The following BDP1 variants were observed in gnomAD, a reference collection of about 807,000 sequenced individuals.
BDP1 encodes the protein BDP1 general transcription factor IIIB subunit, also known as transcription factor TFIIIB component B'' homolog.
In BDP1, 169 loss-of-function variants were observed where a neutral mutation model predicts 266.6. The observed-to-expected ratio is 0.63, with a 90% CI of 0.56 to 0.72. BDP1 has a LOEUF of 0.72. Ranked by LOEUF, BDP1 falls within the 30% of genes least tolerant of loss-of-function variation. The pLI is 0.00. For synonymous variants in BDP1, 1,090 were observed against 1,022.4 expected (o/e 1.07, Z -1.26); for missense variants, 3,015 against 3,053.8 (o/e 0.99, Z 0.30).
intron 6 of BDP1, 21 bp downstream of exon 6, chr5:71,467,508 A>T (rs191832489): frequency 6.5e-7 from 1 of 1,544,768 alleles, no homozygotes; most frequent in Non-Finnish European, 8.9e-7. Context: ...TTCATTTAAA[A>T]ATGTGTAAGT....
At chr5:71,502,173 C>CTTTTTTTTTCTCTCTCTT (rs1764282374) in intron 14 of BDP1, among the ~76,000 whole-genome samples, 2 of 145,788 alleles carry the variant, frequency 1.4e-5, no homozygotes, top group African/African-American at 2.5e-5. Context: ...AGGATTATGT[C>CTTTTTTTTTCTCTCTCTT]TTTTTTTTTC....
Position 71,495,318 on chromosome 5 carries a change from T to C in BDP1, c.1709T>C (p.Phe570Ser). ...SESSTSDLPS[F>S]EVGIRALCEV... is the part of the protein sequence containing the mutation. ...TCAAGCACTTCAGATTTGCCTTCAT[T>C]CGAAGTTGGAATTAGAGCATTGTGT... The change falls in exon 12 of 39, where the codon TTC (phenylalanine) becomes TCC (serine). Residue 570 changes from phenylalanine to serine, a missense_variant. Phe to Ser is a radical substitution (Grantham distance 155). Transcript: ENST00000358731. 6.2e-7 allele frequency: 1 copy of C among 1,608,120 alleles called. No individual in the cohort carries two copies. Among genetic ancestry groups the C allele is most frequent in the South Asian group, 1.1e-5 (1 of 89,852 alleles).
chr5:71,513,691 G>GA (rs971805501), intron 19 of BDP1, among the ~76,000 whole-genome samples: 24 of 151,762 alleles, frequency 1.6e-4, no homozygotes, highest in African/African-American at 3.9e-4. Flanking sequence ...TTTCTTCATA[G>GA]AAAAAATGAC....
At chr5:71,536,591 A>G (rs1766611463) in intron 26 of BDP1, among the ~76,000 whole-genome samples, 1 of 152,100 alleles carries the variant, frequency 6.6e-6, no homozygotes, top group South Asian at 2.1e-4. Flanking sequence ...TAATCTCAGT[A>G]ATTTGGGAGG....
In BDP1 at chr5:71,541,567, G is replaced by A. The variant is rs765062872; in HGVS notation, c.6136G>A (p.Val2046Ile). ...VHECQELSSP[V>I]ITTSPASFEE... ...TGAATGTCAGGAACTTTCTTCACCTGTCATTACTACATCTCCTGCATCATT... is the reference window on the plus strand; with the variant it reads ...TGAATGTCAGGAACTTTCTTCACCTATCATTACTACATCTCCTGCATCATT... Residue 2046 changes from valine to isoleucine, a missense_variant, in exon 29 of 39, where the codon GTC (valine) becomes ATC (isoleucine). Physicochemically the swap from Val to Ile is conservative, Grantham distance 29. This residue lies in a region of BDP1 where 2,383 missense variants were observed against 2,404.9 expected (regional missense o/e 0.99). Transcript: ENST00000358731. 1 of 1,611,738 alleles carries A rather than the reference G, an allele frequency of 6.2e-7. No individual in the cohort carries two copies. Among genetic ancestry groups the A allele is most frequent in the Non-Finnish European group, 8.5e-7 (1 of 1,178,678 alleles).
intron 9 of BDP1, among the ~76,000 whole-genome samples, chr5:71,489,005 GC>G (rs764711952): frequency 2.0e-5 from 3 of 152,214 alleles, no homozygotes; most frequent in Non-Finnish European, 4.4e-5. Context: ...ACCATGCCCA[GC>G]CTGTATTAAA....
Position 71,562,326 on chromosome 5 carries a change from T to C in BDP1, c.7549T>C (p.Leu2517=). ...FLSLICSKNS[L]ESDEPMQVHS... ...ATCTTTAATATGCTCAAAGAATAGT[T>C]TGGAGTCTGATGAACCTATGCAAGT... Residue 2517 remains leucine (L), a synonymous_variant, in exon 38 of 39, where the codon TTG becomes CTG. Coordinates refer to ENST00000358731, the MANE Select transcript of BDP1 (RefSeq NM_018429.3). The C allele has an allele frequency of 6.2e-7, 1 of 1,613,326 alleles. No homozygotes were observed. Among genetic ancestry groups the C allele is most frequent in the South Asian group, 1.1e-5 (1 of 91,034 alleles).
intron 35 of BDP1, among the ~76,000 whole-genome samples, chr5:71,553,715 A>T (rs1328121356): frequency 6.6e-6 from 1 of 152,134 alleles, no homozygotes; most frequent in African/African-American, 2.4e-5. Flanking sequence ...CATCATCATC[A>T]TGCCTAAAGC....
At chr5:71,504,575 C>T (rs1272588198) in intron 15 of BDP1, 46 bp from the exon 16 acceptor site, 3 of 1,545,426 alleles carry the variant, frequency 1.9e-6, no homozygotes, top group African/African-American at 1.4e-5. Flanking sequence ...TCTGTTATGC[C>T]TCATTGTGAA....
At chr5:71,535,466 A>G (rs188472309) in intron 26 of BDP1, among the ~76,000 whole-genome samples, 6 of 151,872 alleles carry the variant, frequency 4.0e-5, no homozygotes, top group Admixed American at 2.0e-4. Context: ...TGGCCTCCCA[A>G]AATGCTGGGA....
chr5:71,508,188 CT>C (rs1256111119), intron 16 of BDP1, among the ~76,000 whole-genome samples: 1 of 152,204 alleles, frequency 6.6e-6, no homozygotes, highest in South Asian at 2.1e-4. Context: ...TGGTCTCAAA[CT>C]CTTGACCTTA....
intron 20 of BDP1, among the ~76,000 whole-genome samples, chr5:71,515,463 A>G (rs1765167923): frequency 6.6e-6 from 1 of 152,166 alleles, no homozygotes; most frequent in African/African-American, 2.4e-5. Flanking sequence ...TCAGTGGAGC[A>G]TTTTGGATTT....
intron 22 of BDP1, among the ~76,000 whole-genome samples, chr5:71,521,847 G>C (rs1765512564): frequency 6.6e-6 from 1 of 152,094 alleles, no homozygotes; most frequent in South Asian, 2.1e-4. Flanking sequence ...GTCTACTTTA[G>C]AACTAGAAGT....
intron 16 of BDP1, among the ~76,000 whole-genome samples, chr5:71,509,177 T>TA (rs1764752542): frequency 6.6e-6 from 1 of 152,176 alleles, no homozygotes; most frequent in South Asian, 2.1e-4. Context: ...TCAGTATTTA[T>TA]AAATGGTAGT....
chr5:71,526,220 C>T (rs548264235), intron 25 of BDP1, among the ~76,000 whole-genome samples: 2 of 152,260 alleles, frequency 1.3e-5, no homozygotes, highest in South Asian at 2.1e-4. Flanking sequence ...GCGGATCACT[C>T]GCGGTTAGGA....
intron 28 of BDP1, 94 bp from the exon 29 acceptor site, chr5:71,541,360 A>G (rs1406483484): frequency 3.4e-6 from 2 of 582,812 alleles, no homozygotes; most frequent in African/African-American, 3.8e-5. Flanking sequence ...AACTTTAATA[A>G]TACAGAATTT....
chr5:71,508,702 C>T (rs1282199866), intron 16 of BDP1, among the ~76,000 whole-genome samples: 1 of 152,158 alleles, frequency 6.6e-6, no homozygotes, highest in Non-Finnish European at 1.5e-5. Context: ...ATAACTTTTC[C>T]TAACCAGTCA....
rs554900354 is a variant in BDP1, at chr5:71,477,237, C to T, written c.1015-6605C>T. Reference sequence around the variant, plus strand: ...CAGCGGTGCAACCATAGCTCACTGCCGCCATGACCTCCTGGGCTCAAGCAA... The same window carrying T: ...CAGCGGTGCAACCATAGCTCACTGCTGCCATGACCTCCTGGGCTCAAGCAA... On this transcript the variant is annotated intron_variant, in intron 7 of 38. Transcript: ENST00000358731. Among the ~76,000 whole-genome samples, 16 of 151,520 alleles carry T rather than the reference C, an allele frequency of 1.1e-4. No homozygotes were observed. In the South Asian group the frequency reaches 1.3e-3, roughly 12 times the overall value.
chr5:71,514,469 T>G (rs1765114391), intron 19 of BDP1, among the ~76,000 whole-genome samples: 1 of 152,220 alleles, frequency 6.6e-6, no homozygotes, highest in Admixed American at 6.5e-5. Context: ...CTTACACTTT[T>G]TCGTCTTACA....
Sources: allele counts gnomAD v4.1 joint callset (sites outside exome capture counted in the v4.1 genomes callset), GRCh38; gene constraint gnomAD v4.1.1; regional missense constraint gnomAD v4.1.1; transcripts MANE v1.5; gene names NCBI Gene and HGNC (gene_info 2026-07-23, HGNC 2026-07-21).